Variants in YTHDF3 observed in about 807,000 individuals in gnomAD.
The protein encoded by YTHDF3 is YTH N6-methyladenosine RNA binding protein F3.
YTHDF3 carries 9 observed loss-of-function variants against 52.5 expected under a neutral mutation model. That is an observed-to-expected ratio of 0.17 (90% confidence interval 0.10 to 0.30). The LOEUF (loss-of-function observed/expected upper bound fraction) is 0.30. YTHDF3 is among the 10% of genes least tolerant of loss of function. The pLI is 1.00. For missense variants in YTHDF3, 534 were observed against 715.0 expected (o/e 0.75, Z 2.89); for synonymous variants, 274 against 243.3 (o/e 1.13, Z -1.18).
At chr8:63,183,039 C>G (rs1458233582) in intron 3 of YTHDF3, among the ~76,000 whole-genome samples, 6 of 151,644 alleles carry the variant, frequency 4.0e-5, no homozygotes. Context: ...TCACTGCAAC[C>G]TCTGCCTCCT....
Position 63,180,115 on chromosome 8 carries a change from G to A in YTHDF3, c.135+4699G>A, listed in dbSNP as rs373281487. ...CTCCCGGACGAGGTGGCTGCTGGGC[G>A]GAGATGCTCCTCACTTCTCAAATGG... On this transcript the variant is annotated intron_variant, in intron 3 of 4. Transcript: ENST00000539294. 7.7e-4 allele frequency among the ~76,000 whole-genome samples: 116 copies of A among 151,030 alleles called. 1 individual carries two copies. In the East Asian group the frequency reaches 1.0e-2, roughly 13 times the overall value.
chr8:63,195,169 C>T (rs1184110991), intron 4 of YTHDF3, among the ~76,000 whole-genome samples: 1 of 152,126 alleles, frequency 6.6e-6, no homozygotes, highest in African/African-American at 2.4e-5. Flanking sequence ...GGTGAAGCTT[C>T]AAATTGTCGG....
chr8:63,196,807 AAAG>A (rs1365502118), intron 4 of YTHDF3, among the ~76,000 whole-genome samples: 1 of 152,118 alleles, frequency 6.6e-6, no homozygotes, highest in African/African-American at 2.4e-5. Context: ...CGGGGGAGTA[AAAG>A]AAGTGTAGAC....
At chr8:63,176,225 T>TA (rs1342233194) in intron 3 of YTHDF3, among the ~76,000 whole-genome samples, 1 of 152,196 alleles carries the variant, frequency 6.6e-6, no homozygotes, top group Admixed American at 6.5e-5. Context: ...TGTTTTGCTT[T>TA]AAAAAAGCAA....
intron 2 of YTHDF3, among the ~76,000 whole-genome samples, chr8:63,169,860 A>G (rs1002091568): frequency 2.6e-5 from 4 of 152,224 alleles, no homozygotes; most frequent in East Asian, 1.9e-4. Flanking sequence ...CACTGATTCT[A>G]TTGAAGTCAG....
chr8:63,193,818 C>T (rs1809067851), intron 4 of YTHDF3, among the ~76,000 whole-genome samples: 1 of 152,110 alleles, frequency 6.6e-6, no homozygotes, highest in Non-Finnish European at 1.5e-5. Context: ...AGAAGTTTGA[C>T]AGTATCAAGT....
At chr8:63,203,381 T>C (rs1183026695) in intron 4 of YTHDF3, among the ~76,000 whole-genome samples, 6 of 152,240 alleles carry the variant, frequency 3.9e-5, no homozygotes, top group South Asian at 2.1e-4. Context: ...AGAATATATA[T>C]ACACACACAC....
rs539771813 is a variant in YTHDF3, at chr8:63,209,815, C to G, written c.*109C>G. The G allele has an allele frequency of 1.8e-6, 2 of 1,083,932 alleles. No homozygotes were observed. Among genetic ancestry groups the G allele is most frequent in the African/African-American group, 3.2e-5 (2 of 62,220 alleles). The allele number at this position is 1,083,932 out of a possible 1,614,324, so 67.1% of individuals were successfully genotyped here. On this transcript the variant is annotated 3_prime_UTR_variant, in exon 5 of 5. Transcript: ENST00000539294. The stretch of plus-strand genomic sequence containing the variant: ...AGCTCTTTTCTGCTTAAGGTGACAT[C>G]TTTGAACACTTTAACACAAAGTTGA...
At chr8:63,206,658 A>C (rs985613165) in intron 4 of YTHDF3, among the ~76,000 whole-genome samples, 3 of 152,220 alleles carry the variant, frequency 2.0e-5, no homozygotes, top group Non-Finnish European at 4.4e-5. Flanking sequence ...TAGCATGATT[A>C]ACATTTTCAT....
intron 4 of YTHDF3, among the ~76,000 whole-genome samples, chr8:63,203,430 G>T (rs1809775265): frequency 6.6e-6 from 1 of 152,036 alleles, no homozygotes; most frequent in African/African-American, 2.4e-5. Context: ...TTTGGTAGTT[G>T]TATGCAAGTT....
intron 4 of YTHDF3, among the ~76,000 whole-genome samples, chr8:63,197,270 ATCTC>A (rs1380678090): frequency 6.6e-6 from 1 of 152,210 alleles, no homozygotes; most frequent in Non-Finnish European, 1.5e-5. Flanking sequence ...GCTTTGAAGA[ATCTC>A]TTCCCATTTG....
At chr8:63,203,224 CAA>C (rs1809759160) in intron 4 of YTHDF3, among the ~76,000 whole-genome samples, 2 of 139,862 alleles carry the variant, frequency 1.4e-5, no homozygotes, top group Admixed American at 1.5e-4. Flanking sequence ...GCCTGGGTGA[CAA>C]GAGTGAACTC....
Position 63,210,299 on chromosome 8 carries a change from T to A in YTHDF3, c.*593T>A, listed in dbSNP as rs934633001. 3 of 152,660 alleles carry A rather than the reference T, an allele frequency of 2.0e-5. No homozygotes were observed. The highest frequency in any genetic ancestry group is 4.8e-5 in the African/African-American group (2 of 41,448). 9.5% of individuals were successfully genotyped at this position (152,660 alleles called of 1,614,324 possible). On this transcript the variant is annotated 3_prime_UTR_variant, in exon 5 of 5. Coordinates refer to ENST00000539294, the MANE Select transcript of YTHDF3 (RefSeq NM_152758.6). ...TAATCTGAAATTATATTAGAACATTTCCCTTGTCTTCAAACTGTTTGGTGT... is the reference window on the plus strand; with the variant it reads ...TAATCTGAAATTATATTAGAACATTACCCTTGTCTTCAAACTGTTTGGTGT...
At chr8:63,196,465 G>GGTA (rs1166731329) in intron 4 of YTHDF3, among the ~76,000 whole-genome samples, 5 of 151,734 alleles carry the variant, frequency 3.3e-5, no homozygotes, top group Non-Finnish European at 7.4e-5. Flanking sequence ...GGGAGGCTGA[G>GGTA]GTAGGAGAAT....
intron 4 of YTHDF3, among the ~76,000 whole-genome samples, chr8:63,198,927 A>G (rs1449479582): frequency 6.6e-6 from 1 of 152,218 alleles, no homozygotes; most frequent in Non-Finnish European, 1.5e-5. Flanking sequence ...CCAGTATGTA[A>G]CACATTTGAT....
At chr8:63,206,685 T>C (rs1176901011) in intron 4 of YTHDF3, among the ~76,000 whole-genome samples, 2 of 152,202 alleles carry the variant, frequency 1.3e-5, no homozygotes, top group East Asian at 1.9e-4. Context: ...ATAATACTAA[T>C]AAGTGTTCGT....
Position 63,192,204 on chromosome 8 carries a change from T to C in YTHDF3, c.1734+4459T>C, listed in dbSNP as rs183233929. On this transcript the variant is annotated intron_variant, in intron 4 of 4. Transcript: ENST00000539294. ...CTCATCTGGACTCATAATTTTGTAA[T>C]ATCCTTTGTGGTTGTGGTGGCTTCA... Among the ~76,000 whole-genome samples, 259 of 152,274 alleles carry C rather than the reference T, an allele frequency of 1.7e-3. 1 individual carries two copies. The highest frequency in any genetic ancestry group is 2.7e-3 in the Non-Finnish European group (186 of 68,020).
chr8:63,191,693 C>A (rs1459902948), intron 4 of YTHDF3, among the ~76,000 whole-genome samples: 1 of 152,148 alleles, frequency 6.6e-6, no homozygotes, highest in East Asian at 1.9e-4. Flanking sequence ...TACTGAACCA[C>A]TGATTGGTTG....
At chr8:63,201,792 G>A (rs16930256) in intron 4 of YTHDF3, among the ~76,000 whole-genome samples, 14,988 of 152,214 alleles carry the variant, frequency 0.098, 839 homozygotes, top group East Asian at 0.23. Context: ...GAATAATTCT[G>A]CATGTGAAAG....
Sources: gnomAD v4.1 joint callset for allele counts (sites outside exome capture counted in the v4.1 genomes callset) on GRCh38, gnomAD v4.1.1 for gene constraint, MANE v1.5 for transcripts, NCBI Gene and HGNC (gene_info 2026-07-23, HGNC 2026-07-21) for gene names.